Variants in SLC25A21 observed in about 807,000 individuals in gnomAD.
The protein encoded by SLC25A21 is mitochondrial 2-oxodicarboxylate carrier.
Under a neutral mutation model 43.8 loss-of-function variants are expected in SLC25A21, and 47 were observed. The observed-to-expected ratio is 1.07, with a 90% CI of 0.85 to 1.37. The LOEUF is 1.37. Ranked by LOEUF, SLC25A21 falls within the 40% of genes most tolerant of loss-of-function variation. The pLI is 0.00. For synonymous variants in SLC25A21, 131 were observed against 121.3 expected, an observed-to-expected ratio of 1.08 and a Z score of -0.52; for missense variants, 352 against 350.2, an observed-to-expected ratio of 1.00 and a Z score of -0.04.
intron 3 of SLC25A21, among the ~76,000 whole-genome samples, chr14:36,757,090 C>CGAA (rs1885963826): frequency 7.9e-6 from 1 of 125,820 alleles, no homozygotes; most frequent in Non-Finnish European, 1.6e-5. Context: ...CCCATCTTTA[C>CGAA]AAAAAAAAAA....
intron 1 of SLC25A21, among the ~76,000 whole-genome samples, chr14:37,131,311 ATGT>A (rs1171084583): frequency 2.0e-5 from 3 of 152,212 alleles, no homozygotes; most frequent in Non-Finnish European, 4.4e-5. Context: ...AGTGAGACAC[ATGT>A]TGTTGTGGTG....
chr14:37,133,176 T>C (rs113183605), intron 1 of SLC25A21, among the ~76,000 whole-genome samples: 1 of 137,952 alleles, frequency 7.2e-6, no homozygotes, highest in African/African-American at 3.2e-5. Context: ...CACACACTCA[T>C]GCAAACACAC....
chr14:36,996,056 A>G (rs1960365332), intron 1 of SLC25A21, among the ~76,000 whole-genome samples: 1 of 152,164 alleles, frequency 6.6e-6, no homozygotes, highest in African/African-American at 2.4e-5. Flanking sequence ...CTGGGTCTCC[A>G]AAGTTTGTGA....
intron 2 of SLC25A21, among the ~76,000 whole-genome samples, chr14:36,861,836 C>T (rs573171955): frequency 5.1e-4 from 78 of 152,280 alleles, no homozygotes; most frequent in African/African-American, 1.9e-3. Context: ...CAAATTCTCT[C>T]TCCAAAAACT....
At chr14:36,760,706 T>G (rs187965565) in intron 3 of SLC25A21, among the ~76,000 whole-genome samples, 317 of 152,272 alleles carry the variant, frequency 2.1e-3, no homozygotes, top group Non-Finnish European at 3.6e-3. Context: ...TTTTTTCACC[T>G]CCTGTCTAAC....
At chr14:36,835,879 C>G (rs183609335) in intron 2 of SLC25A21, among the ~76,000 whole-genome samples, 21 of 152,308 alleles carry the variant, frequency 1.4e-4, no homozygotes, top group Non-Finnish European at 2.8e-4. Flanking sequence ...GGTGGACCCT[C>G]TTTCCTGAGT....
intron 2 of SLC25A21, among the ~76,000 whole-genome samples, chr14:36,852,719 G>C (rs1362988677): frequency 6.6e-6 from 1 of 152,012 alleles, no homozygotes; most frequent in East Asian, 1.9e-4. Flanking sequence ...ATTCTTTGGA[G>C]TCTACCATCA....
intron 7 of SLC25A21, among the ~76,000 whole-genome samples, chr14:36,698,116 C>G (rs1167055026): frequency 6.6e-6 from 1 of 152,120 alleles, no homozygotes; most frequent in Non-Finnish European, 1.5e-5. Flanking sequence ...CTGGTGGTGA[C>G]AAAATCTCTT....
At chr14:36,706,113 C>A (rs374533645) in intron 7 of SLC25A21, among the ~76,000 whole-genome samples, 15 of 152,044 alleles carry the variant, frequency 9.9e-5, no homozygotes, top group African/African-American at 3.6e-4. Flanking sequence ...AAGAAAAAAA[C>A]AAAACAAAAC....
chr14:37,141,244 C>A (rs1963565613), intron 1 of SLC25A21, among the ~76,000 whole-genome samples: 1 of 152,150 alleles, frequency 6.6e-6, no homozygotes. Context: ...AACTGAGCAA[C>A]TGAGTTTATC....
At chr14:36,878,935 G>A (rs1254836861) in intron 1 of SLC25A21, among the ~76,000 whole-genome samples, 12 of 151,972 alleles carry the variant, frequency 7.9e-5, no homozygotes, top group Non-Finnish European at 1.8e-4. Flanking sequence ...ACCAACCATA[G>A]TAACACCTTC....
In SLC25A21 at chr14:37,152,915, C is replaced by A. The variant is rs149357997; in HGVS notation, c.70+19366G>T. On this transcript the variant is annotated intron_variant, in intron 1 of 9. Coordinates refer to ENST00000331299, the MANE Select transcript of SLC25A21 (RefSeq NM_030631.4). Reference sequence around the variant, plus strand: ...GAATAGTATATAGACAGTCACACTTCAAATACGTTATCCAAGACAGAATGC... The same window carrying A: ...GAATAGTATATAGACAGTCACACTTAAAATACGTTATCCAAGACAGAATGC... Among the ~76,000 whole-genome samples the A allele has an allele frequency of 5.8e-3, 882 of 152,186 alleles. 11 individuals carry two copies. Among genetic ancestry groups the A allele is most frequent in the African/African-American group, 0.02 (846 of 41,520 alleles).
intron 1 of SLC25A21, among the ~76,000 whole-genome samples, chr14:37,044,273 G>A (rs1961540723): frequency 6.6e-6 from 1 of 151,884 alleles, no homozygotes. Flanking sequence ...CAATGTGTTT[G>A]GCTTTCCTTT....
Position 36,850,577 on chromosome 14 carries a change from C to G in SLC25A21, c.119+24379G>C, listed in dbSNP as rs149877447. Among the ~76,000 whole-genome samples the G allele has an allele frequency of 8.5e-5, 13 of 152,228 alleles. No individual in the cohort carries two copies. The East Asian group carries it at 2.5e-3, about 29-fold the overall frequency. On this transcript the variant is annotated intron_variant, in intron 2 of 9. Transcript: ENST00000331299. ...CCTCAGATTTGACTGTCTTTTCTTT[C>G]AGTCTTTCAAAAATGATGTTCACCA...
intron 1 of SLC25A21, among the ~76,000 whole-genome samples, chr14:37,076,783 C>T (rs1378103922): frequency 2.0e-5 from 3 of 152,154 alleles, no homozygotes; most frequent in Admixed American, 6.5e-5. Context: ...TGCACCTGGC[C>T]CCCGTAAGAC....
intron 1 of SLC25A21, among the ~76,000 whole-genome samples, chr14:37,136,423 T>C (rs1373821126): frequency 6.6e-6 from 1 of 152,132 alleles, no homozygotes; most frequent in Non-Finnish European, 1.5e-5. Flanking sequence ...CAGGAAACAT[T>C]TTTTTTCCTG....
chr14:36,942,491 T>C (rs1211890860), intron 1 of SLC25A21, among the ~76,000 whole-genome samples: 1 of 152,190 alleles, frequency 6.6e-6, no homozygotes, highest in Non-Finnish European at 1.5e-5. Context: ...TTTTAATCTA[T>C]GCTTTCTATC....
intron 1 of SLC25A21, among the ~76,000 whole-genome samples, chr14:36,912,297 C>T (rs10141738): frequency 3.3e-5 from 5 of 152,158 alleles, no homozygotes; most frequent in Non-Finnish European, 5.9e-5. Flanking sequence ...TTGTTCTCCA[C>T]GGCCACCAGA....
intron 1 of SLC25A21, among the ~76,000 whole-genome samples, chr14:36,912,510 C>T (rs778397547): frequency 2.6e-4 from 39 of 152,290 alleles, no homozygotes; most frequent in Non-Finnish European, 4.4e-4. Context: ...GGTCCTATAA[C>T]CTGACTGAAG....
Sources: allele counts gnomAD v4.1 joint callset (sites outside exome capture counted in the v4.1 genomes callset), GRCh38; gene constraint gnomAD v4.1.1; transcripts MANE v1.5; gene names NCBI Gene and HGNC (gene_info 2026-07-23, HGNC 2026-07-21).